Variants in GRIA1 observed in about 807,000 individuals in gnomAD.
GRIA1 encodes the protein glutamate receptor 1.
A neutral mutation model predicts 99.2 loss-of-function variants in GRIA1; 31 were observed. That is an observed-to-expected ratio of 0.31 (90% CI 0.23 to 0.42). GRIA1 has a LOEUF of 0.42. GRIA1 is among the 10% of genes least tolerant of loss of function. The pLI, the probability that GRIA1 is intolerant of heterozygous loss-of-function variation, is 1.00. For synonymous variants in GRIA1, 438 were observed against 432.4 expected (o/e 1.01, Z -0.16); for missense variants, 782 against 1,157.5 (o/e 0.68, Z 4.71).
chr5:153,782,356 A>G (rs926771888), intron 13 of GRIA1, among the ~76,000 whole-genome samples: 3 of 152,212 alleles, frequency 2.0e-5, no homozygotes, highest in Non-Finnish European at 2.9e-5. Flanking sequence ...GCTGACACTG[A>G]GGATCACAGG....
intron 2 of GRIA1, chr5:153,573,113 A>G (rs563016068): frequency 1.7e-4 from 26 of 152,316 alleles, no homozygotes; most frequent in African/African-American, 6.3e-4. Flanking sequence ...TAATGAGCAC[A>G]TCTCCTCATT....
At chr5:153,572,649 G>T (rs1762212673) in intron 2 of GRIA1, among the ~76,000 whole-genome samples, 1 of 152,162 alleles carries the variant, frequency 6.6e-6, no homozygotes, top group South Asian at 2.1e-4. Flanking sequence ...GGCTGGAAAT[G>T]CCTCTGGCTA....
chr5:153,645,429 C>A (rs1186442948), intron 2 of GRIA1, among the ~76,000 whole-genome samples: 5 of 152,128 alleles, frequency 3.3e-5, no homozygotes, highest in African/African-American at 4.8e-5. Context: ...TAATTGCATT[C>A]TTTATTGCAG....
rs143563408 is a variant in GRIA1, at chr5:153,759,595, C to T, written c.1824-4839C>T. On this transcript the variant is annotated intron_variant, in intron 11 of 15. Coordinates refer to ENST00000285900, the MANE Select transcript of GRIA1 (RefSeq NM_000827.4). ...CCCATCATAGAAAACCCAGGACTGACGGCTTCACTGCCAAATTCTACCAAA... is the reference window on the plus strand; with the variant it reads ...CCCATCATAGAAAACCCAGGACTGATGGCTTCACTGCCAAATTCTACCAAA... 4.6e-4 allele frequency among the ~76,000 whole-genome samples: 70 copies of T among 152,010 alleles called. 1 individual carries two copies. In the East Asian group the frequency reaches 6.8e-3, roughly 15 times the overall value.
chr5:153,802,550 G>C (rs753555650), intron 15 of GRIA1, 60 bp downstream of exon 15: 235 of 1,565,830 alleles, frequency 1.5e-4, no homozygotes, highest in Non-Finnish European at 2.0e-4. Context: ...TGGGTTTCCT[G>C]GGAGTCCCTT....
chr5:153,579,861 G>A (rs1423102648), intron 2 of GRIA1, among the ~76,000 whole-genome samples: 4 of 151,066 alleles, frequency 2.6e-5, no homozygotes, highest in Admixed American at 6.6e-5. Flanking sequence ...CAGCTCCTGC[G>A]GGGCCTTGTG....
intron 6 of GRIA1, among the ~76,000 whole-genome samples, chr5:153,675,426 C>T (rs1756501679): frequency 6.6e-6 from 1 of 152,234 alleles, no homozygotes; most frequent in African/African-American, 2.4e-5. Context: ...GCTCTAAATA[C>T]TGCCACCAAA....
intron 2 of GRIA1, among the ~76,000 whole-genome samples, chr5:153,605,963 A>G (rs910291650): frequency 6.6e-6 from 1 of 152,150 alleles, no homozygotes; most frequent in Non-Finnish European, 1.5e-5. Context: ...ATGCAGTCCA[A>G]TTTATCAGTT....
chr5:153,500,638 C>T (rs1484484220), intron 2 of GRIA1, among the ~76,000 whole-genome samples: 2 of 149,028 alleles, frequency 1.3e-5, no homozygotes, highest in Non-Finnish European at 3.0e-5. Flanking sequence ...CACACACACA[C>T]ACACACACAC....
intron 2 of GRIA1, among the ~76,000 whole-genome samples, chr5:153,546,257 C>A (rs556168478): frequency 6.6e-6 from 1 of 152,148 alleles, no homozygotes; most frequent in Non-Finnish European, 1.5e-5. Context: ...GAGGAATCAT[C>A]ATTGTGCAAA....
intron 1 of GRIA1, chr5:153,491,213 G>A: frequency 1.6e-6 from 2 of 1,287,436 alleles, no homozygotes; most frequent in Non-Finnish European, 2.0e-6. Context: ...CCAGGCAAGA[G>A]CATGTGAAAT....
chr5:153,577,504 GT>G (rs1184929131), intron 2 of GRIA1, among the ~76,000 whole-genome samples: 1 of 151,856 alleles, frequency 6.6e-6, no homozygotes, highest in Non-Finnish European at 1.5e-5. Context: ...TAGATAATGT[GT>G]TTGGAGTTCC....
chr5:153,514,161 C>T (rs1266589541), intron 2 of GRIA1, among the ~76,000 whole-genome samples: 1 of 152,214 alleles, frequency 6.6e-6, no homozygotes, highest in Non-Finnish European at 1.5e-5. Flanking sequence ...CTGTGCCTTT[C>T]TGCAACCATT....
At chr5:153,564,627 G>T (rs1761457371) in intron 2 of GRIA1, among the ~76,000 whole-genome samples, 1 of 152,150 alleles carries the variant, frequency 6.6e-6, no homozygotes, top group Admixed American at 6.6e-5. Flanking sequence ...TCTGCATTGG[G>T]CCTGAACTTC....
intron 11 of GRIA1, among the ~76,000 whole-genome samples, chr5:153,760,835 C>A (rs568647682): frequency 6.6e-6 from 1 of 152,108 alleles, no homozygotes; most frequent in Admixed American, 6.6e-5. Context: ...ACACAACACA[C>A]AGACTAATGG....
chr5:153,778,711 T>C (rs1370075284), intron 13 of GRIA1, among the ~76,000 whole-genome samples: 1 of 151,324 alleles, frequency 6.6e-6, no homozygotes, highest in Non-Finnish European at 1.5e-5. Context: ...ACAAATAGCA[T>C]TGGTCCTGCC....
chr5:153,674,439 C>A, intron 5 of GRIA1, 61 bp from the exon 6 acceptor site: 1 of 1,579,228 alleles, frequency 6.3e-7, no homozygotes. Flanking sequence ...GGTTTTGGAA[C>A]AGGTTAAGTT....
At chr5:153,645,192 C>A (rs556682507) in intron 2 of GRIA1, among the ~76,000 whole-genome samples, 2 of 152,198 alleles carry the variant, frequency 1.3e-5, no homozygotes, top group African/African-American at 2.4e-5. Flanking sequence ...GGGTCAAGAG[C>A]AAGAATTGTG....
chr5:153,800,905 G>A (rs1765974533), intron 14 of GRIA1, among the ~76,000 whole-genome samples: 1 of 152,162 alleles, frequency 6.6e-6, no homozygotes, highest in African/African-American at 2.4e-5. Flanking sequence ...ACCTGAAAAG[G>A]AACACATGGA....
Sources: allele counts gnomAD v4.1 joint callset (sites outside exome capture counted in the v4.1 genomes callset), GRCh38; gene constraint gnomAD v4.1.1; transcripts MANE v1.5; gene names NCBI Gene and HGNC (gene_info 2026-07-23, HGNC 2026-07-21).